The following PCDH7 variants were observed in gnomAD, a reference collection of about 807,000 sequenced individuals.
The protein encoded by PCDH7 is protocadherin-7.
In PCDH7, 17 loss-of-function variants were observed where a neutral mutation model predicts 58.9. That is an observed-to-expected ratio of 0.29 (90% CI 0.20 to 0.43). PCDH7 has a LOEUF of 0.43. Among genes scored for constraint, PCDH7 ranks in the 20% least tolerant of loss-of-function variants. The pLI, the probability that PCDH7 is intolerant of heterozygous loss-of-function variation, is 1.00. For synonymous variants in PCDH7, 664 were observed against 616.4 expected (o/e 1.08, Z -1.14); for missense variants, 1,274 against 1,441.0 (o/e 0.88, Z 1.88).
intron 3 of PCDH7, among the ~76,000 whole-genome samples, chr4:31,115,500 G>T (rs1353518041): frequency 6.6e-6 from 1 of 151,960 alleles, no homozygotes; most frequent in African/African-American, 2.4e-5. Flanking sequence ...TTTTTCTGTG[G>T]ATTGTATGAT....
At chr4:30,736,697 G>A (rs1443252404), downstream of PCDH7, among the ~76,000 whole-genome samples, 1 of 151,668 alleles carries the variant, frequency 6.6e-6, no homozygotes, top group African/African-American at 2.4e-5. Flanking sequence ...CATTGCTCCC[G>A]GCTAATTTTT....
At chr4:30,894,490 A>ATATATAT (rs1213620781) in intron 1 of PCDH7, among the ~76,000 whole-genome samples, 1 of 33,520 alleles carries the variant, frequency 3.0e-5, no homozygotes, top group Non-Finnish European at 5.8e-5. Flanking sequence ...AAAAAAAAAA[A>ATATATAT]ATATATATAT....
intron 3 of PCDH7, among the ~76,000 whole-genome samples, chr4:31,076,112 G>A (rs1758969398): frequency 6.6e-6 from 1 of 152,112 alleles, no homozygotes; most frequent in Non-Finnish European, 1.5e-5. Flanking sequence ...TCCCTATGTA[G>A]TCTGAAGTTT....
At chr4:31,032,988 A>G (rs1442416973) in intron 3 of PCDH7, among the ~76,000 whole-genome samples, 1 of 151,816 alleles carries the variant, frequency 6.6e-6, no homozygotes, top group African/African-American at 2.4e-5. Context: ...TTTTTTTGTA[A>G]TTCTTCTTGA....
At chr4:30,887,884 CT>C (rs1738039689) in intron 1 of PCDH7, among the ~76,000 whole-genome samples, 1 of 135,998 alleles carries the variant, frequency 7.4e-6, no homozygotes. Flanking sequence ...TTTTTTTTTT[CT>C]TTTTTTTGGA....
intron 3 of PCDH7, among the ~76,000 whole-genome samples, chr4:31,059,391 T>A (rs1002239389): frequency 6.6e-6 from 1 of 151,786 alleles, no homozygotes; most frequent in Non-Finnish European, 1.5e-5. Flanking sequence ...AAAATCAATT[T>A]AGGTATAGTT....
chr4:31,071,688 G>T (rs1223498187), intron 3 of PCDH7, among the ~76,000 whole-genome samples: 4 of 151,978 alleles, frequency 2.6e-5, no homozygotes, highest in Non-Finnish European at 4.4e-5. Flanking sequence ...TCTGCAGAGT[G>T]GTTGCTCTGA....
chr4:31,105,156 T>G lies in PCDH7; in HGVS notation c.*8-37317T>G, dbSNP rs558658544. 2.7e-3 allele frequency among the ~76,000 whole-genome samples: 412 copies of G among 152,346 alleles called. 1 individual carries two copies. The highest frequency in any genetic ancestry group is 4.1e-3 in the Non-Finnish European group (279 of 68,036). On this transcript the variant is annotated intron_variant, in intron 3 of 3. Transcript: ENST00000509759. ...TAGCTTTGAACTGATGTGTTCATTC[T>G]CACTGAATAATTGTCATACTTCATT... is the stretch of plus-strand genomic sequence containing the variant.
intron 3 of PCDH7, among the ~76,000 whole-genome samples, chr4:30,991,925 A>G (rs562816232): frequency 1.1e-3 from 171 of 152,328 alleles, no homozygotes; most frequent in African/African-American, 3.7e-3. Flanking sequence ...AAAAGACTTC[A>G]TGCAATTATT....
chr4:30,737,091 C>T (rs555712438), downstream of PCDH7, among the ~76,000 whole-genome samples: 3 of 152,242 alleles, frequency 2.0e-5, no homozygotes, highest in South Asian at 2.1e-4. Context: ...CTAAATCTGC[C>T]TTCTAGCCCC....
intron 3 of PCDH7, among the ~76,000 whole-genome samples, chr4:31,118,077 G>C (rs1717219366): frequency 6.6e-6 from 1 of 152,144 alleles, no homozygotes. Flanking sequence ...CATTTAAATT[G>C]TGTTTCCTCC....
chr4:30,769,106 A>T (rs1284198290), intron 1 of PCDH7, among the ~76,000 whole-genome samples: 2 of 152,220 alleles, frequency 1.3e-5, no homozygotes, highest in Non-Finnish European at 2.9e-5. Context: ...TTCCTTTCTG[A>T]TAAGTTTCTC....
intron 3 of PCDH7, among the ~76,000 whole-genome samples, chr4:31,020,110 C>G (rs1753910880): frequency 6.6e-6 from 1 of 151,992 alleles, no homozygotes; most frequent in African/African-American, 2.4e-5. Context: ...TCCTGGACAC[C>G]CCATAGAAAC....
chr4:30,807,802 C>T (rs183212608), intron 1 of PCDH7, among the ~76,000 whole-genome samples: 38 of 151,694 alleles, frequency 2.5e-4, no homozygotes, highest in Admixed American at 6.6e-4. Context: ...TCAAAATTCT[C>T]ATTGATAGAG....
Position 30,943,724 on chromosome 4 carries a change from GT to G in PCDH7, c.288-6383del, listed in dbSNP as rs112954030. Reference sequence around the variant, plus strand: ...AAACATTATGAGATTTTTTTTTGCTGTTTTTTTTTTTTTAGCTCATCAGCTA... The same window carrying G: ...AAACATTATGAGATTTTTTTTTGCTGTTTTTTTTTTTTAGCTCATCAGCTA... On this transcript the variant is annotated intron_variant, in intron 2 of 3. Transcript: ENST00000509759. 2.4e-3 allele frequency among the ~76,000 whole-genome samples: 330 copies of G among 138,522 alleles called. 1 individual carries two copies. Among genetic ancestry groups the G allele is most frequent in the Middle Eastern group, 3.8e-3 (1 of 266 alleles). 90.9% of individuals were successfully genotyped at this position (138,522 alleles called of 152,430 possible).
intron 1 of PCDH7, among the ~76,000 whole-genome samples, chr4:30,876,090 T>C (rs1736248890): frequency 6.6e-6 from 1 of 152,124 alleles, no homozygotes; most frequent in Admixed American, 6.6e-5. Flanking sequence ...ATTAGTCATA[T>C]GAAATCTGAA....
chr4:31,084,000 T>TG (rs1711974765), intron 3 of PCDH7, among the ~76,000 whole-genome samples: 1 of 152,244 alleles, frequency 6.6e-6, no homozygotes, highest in African/African-American at 2.4e-5. Context: ...TCATGTGTTC[T>TG]GGGTCAATAC....
At chr4:31,019,474 C>T (rs532803001) in intron 3 of PCDH7, among the ~76,000 whole-genome samples, 9 of 152,028 alleles carry the variant, frequency 5.9e-5, no homozygotes, top group East Asian at 5.9e-4. Flanking sequence ...GAGGCCAAGG[C>T]GGGTGGATCA....
intron 1 of PCDH7, among the ~76,000 whole-genome samples, chr4:30,727,847 A>G (rs1446212865): frequency 6.6e-6 from 1 of 151,972 alleles, no homozygotes. Context: ...TGATAGTATG[A>G]AAAGTACAGT....
Sources: allele counts gnomAD v4.1 joint callset (sites outside exome capture counted in the v4.1 genomes callset), GRCh38; gene constraint gnomAD v4.1.1; transcripts MANE v1.5; gene names NCBI Gene and HGNC (gene_info 2026-07-23, HGNC 2026-07-21).